The following NUP58 variants were observed in gnomAD, a reference collection of about 807,000 sequenced individuals.
NUP58 encodes nucleoporin 58, also known as nucleoporin p58/p45.
A neutral mutation model predicts 70.1 loss-of-function variants in NUP58; 17 were observed. That is an observed-to-expected ratio of 0.24 (90% CI 0.17 to 0.36). The LOEUF is 0.36. Ranked by LOEUF, NUP58 falls within the 10% of genes least tolerant of loss-of-function variation. The pLI is 1.00. For missense variants in NUP58, 644 were observed against 701.5 expected (o/e 0.92, Z 0.93); for synonymous variants, 275 against 257.6 (o/e 1.07, Z -0.65).
At chr13:25,306,953 C>T (rs2030392301) in intron 1 of NUP58, among the ~76,000 whole-genome samples, 1 of 152,156 alleles carries the variant, frequency 6.6e-6, no homozygotes, top group African/African-American at 2.4e-5. Context: ...AATGTCCCCA[C>T]TAGTTTTTCT....
At chr13:25,306,307 A>T (rs2030353263) in intron 1 of NUP58, among the ~76,000 whole-genome samples, 1 of 146,600 alleles carries the variant, frequency 6.8e-6, no homozygotes, top group Non-Finnish European at 1.5e-5. Flanking sequence ...CCGGAGGCTG[A>T]GGTAGGAGAA....
chr13:25,310,264 A>G (rs1023886365), intron 3 of NUP58, among the ~76,000 whole-genome samples: 5 of 124,320 alleles, frequency 4.0e-5, no homozygotes, highest in East Asian at 2.5e-4. Context: ...CTTGTTGCCC[A>G]GGCTGGAGTG....
At chr13:25,332,265 A>G (rs549545884) in intron 13 of NUP58, 4 of 985,482 alleles carry the variant, frequency 4.1e-6, no homozygotes, top group Admixed American at 6.1e-5. Flanking sequence ...AGATTGTTTT[A>G]TTTCTTGGTT....
At chr13:25,307,691 T>C in intron 1 of NUP58, 115 bp from the exon 2 acceptor site, 1 of 968,600 alleles carries the variant, frequency 1.0e-6, no homozygotes, top group South Asian at 1.7e-5. Flanking sequence ...AGATATGTTA[T>C]GTGAATGAAA....
intron 9 of NUP58, among the ~76,000 whole-genome samples, chr13:25,323,437 GA>G (rs943596655): frequency 1.3e-5 from 2 of 148,854 alleles, no homozygotes; most frequent in Non-Finnish European, 3.0e-5. Context: ...AAGAAAAAGA[GA>G]AAAAAAAATA....
intron 3 of NUP58, among the ~76,000 whole-genome samples, chr13:25,348,090 T>C (rs1413653940): frequency 6.6e-6 from 1 of 152,226 alleles, no homozygotes; most frequent in Non-Finnish European, 1.5e-5. Context: ...ACTGGCCATG[T>C]GTGGTGGGCG....
At position 25,312,983 on chromosome 13, in the gene NUP58, C is replaced by G. The variant is rs1404086418; in HGVS notation, c.387C>G (p.Thr129=). ...ATPFALPITS[T]SASGLTLSSA... The stretch of plus-strand genomic sequence containing the variant: ...CATTTGCTCTACCTATTACCTCTAC[C>G]TCAGCTAGCGGTCTGACTCTTTCGT... The change falls in exon 4 of 16, where the codon ACC becomes ACG. Residue 129 remains threonine, a synonymous_variant. Transcript: ENST00000381736. 1 of 1,614,182 alleles carries G rather than the reference C, an allele frequency of 6.2e-7. No individual in the cohort carries two copies. Among genetic ancestry groups the G allele is most frequent in the East Asian group, 2.2e-5 (1 of 44,886 alleles).
At chr13:25,336,898 T>G (rs1231919122) in intron 13 of NUP58, 38 bp from the exon 14 acceptor site, 3 of 1,417,270 alleles carry the variant, frequency 2.1e-6, no homozygotes, top group Non-Finnish European at 2.9e-6. Context: ...GCAAATTTGT[T>G]TTTTTTCCCC....
At chr13:25,331,741 A>G (rs1466692730) in intron 13 of NUP58, 183 bp downstream of exon 13, 4 of 1,421,060 alleles carry the variant, frequency 2.8e-6, no homozygotes, top group Middle Eastern at 2.6e-4. Flanking sequence ...GGGTAGTCTT[A>G]GCAATAATTA....
At chr13:25,327,286 G>A (rs2137798709) in intron 11 of NUP58, 144 bp from the exon 12 acceptor site, 1 of 579,940 alleles carries the variant, frequency 1.7e-6, no homozygotes, top group African/African-American at 1.9e-5. Context: ...GCTACTCTGT[G>A]TGTTCTCTGG....
At chr13:25,327,284 G>A in intron 11 of NUP58, 146 bp from the exon 12 acceptor site, 2 of 579,480 alleles carry the variant, frequency 3.5e-6, no homozygotes, top group South Asian at 2.6e-5. Flanking sequence ...CTGCTACTCT[G>A]TGTGTTCTCT....
chr13:25,336,159 C>A, intron 13 of NUP58: 1 of 1,342,886 alleles, frequency 7.4e-7, no homozygotes, highest in Non-Finnish European at 9.9e-7. Flanking sequence ...TGTATTGAAT[C>A]TGTCAAGGTA....
At chr13:25,344,995 A>G (rs2032031622), downstream of NUP58, among the ~76,000 whole-genome samples, 1 of 152,108 alleles carries the variant, frequency 6.6e-6, no homozygotes, top group Non-Finnish European at 1.5e-5. Flanking sequence ...GTGTCCTGGG[A>G]AGTCTTGAGT....
chr13:25,304,764 A>C (rs2030233480), intron 1 of NUP58, among the ~76,000 whole-genome samples: 1 of 151,796 alleles, frequency 6.6e-6, no homozygotes, highest in East Asian at 1.9e-4. Context: ...TCCTGACTTC[A>C]GGTGATCCAT....
At chr13:25,323,481 T>A (rs2031271972) in intron 9 of NUP58, among the ~76,000 whole-genome samples, 1 of 152,116 alleles carries the variant, frequency 6.6e-6, no homozygotes, top group Admixed American at 6.5e-5. Context: ...CTAAGATTAC[T>A]CTAATGTCTA....
chr13:25,311,094 T>C (rs2030642652), intron 3 of NUP58, among the ~76,000 whole-genome samples: 1 of 152,150 alleles, frequency 6.6e-6, no homozygotes, highest in African/African-American at 2.4e-5. Context: ...TGGTTTACTT[T>C]ATGGGCAGGA....
chr13:25,320,857 A>G (rs2031149768), intron 8 of NUP58, 62 bp from the exon 9 acceptor site: 3 of 1,080,256 alleles, frequency 2.8e-6, no homozygotes, highest in South Asian at 1.7e-5. Context: ...AAGTATATAT[A>G]TATTTTGTGT....
downstream of NUP58, among the ~76,000 whole-genome samples, chr13:25,342,635 G>A (rs1056691138): frequency 2.0e-5 from 3 of 152,018 alleles, no homozygotes; most frequent in African/African-American, 7.2e-5. Flanking sequence ...ATAATATTGA[G>A]TAAAAAAGGA....
rs150671115 is a variant in NUP58, at chr13:25,337,325, A to G, written c.1534+291A>G. 1.4e-3 allele frequency among the ~76,000 whole-genome samples: 215 copies of G among 152,290 alleles called. 1 individual carries two copies. In the Middle Eastern group the frequency reaches 0.017, roughly 12 times the overall value. On this transcript the variant is annotated intron_variant, in intron 14 of 15. Coordinates refer to ENST00000381736, the MANE Select transcript of NUP58 (RefSeq NM_014089.4). ...TGAACTTGAGAATTCTTTAGTTTTAATCATCTTAATTAAAAATCTTAAAAT... is the reference window on the plus strand; with the variant it reads ...TGAACTTGAGAATTCTTTAGTTTTAGTCATCTTAATTAAAAATCTTAAAAT...
Sources: allele counts gnomAD v4.1 joint callset (sites outside exome capture counted in the v4.1 genomes callset), GRCh38; gene constraint gnomAD v4.1.1; transcripts MANE v1.5; gene names NCBI Gene and HGNC (gene_info 2026-07-23, HGNC 2026-07-21).